Variants in ZBTB38 observed in about 807,000 individuals in gnomAD.
The protein encoded by ZBTB38 is zinc finger and BTB domain containing 38.
A neutral mutation model predicts 76.8 loss-of-function variants in ZBTB38; 20 were observed. That is an observed-to-expected ratio of 0.26 (90% CI 0.18 to 0.38). The LOEUF is 0.38. Among genes scored for constraint, ZBTB38 ranks in the 10% least tolerant of loss-of-function variants. ZBTB38 has a pLI of 1.00. For synonymous variants in ZBTB38, 504 were observed against 544.2 expected, an observed-to-expected ratio of 0.93 and a Z score of 1.03; for missense variants, 1,082 against 1,482.3, an observed-to-expected ratio of 0.73 and a Z score of 4.43.
At chr3:141,426,654 C>T (rs907926513) in intron 5 of ZBTB38, among the ~76,000 whole-genome samples, 2 of 152,210 alleles carry the variant, frequency 1.3e-5, no homozygotes, top group Non-Finnish European at 2.9e-5. Flanking sequence ...GCACCAAGGC[C>T]TCACACGACA....
chr3:141,444,393 T>G lies in ZBTB38; in HGVS notation c.2005T>G (p.Tyr669Asp), dbSNP rs1458030002. 1 of 1,614,098 alleles carries G rather than the reference T, an allele frequency of 6.2e-7. No individual in the cohort carries two copies. The highest frequency in any genetic ancestry group is 8.5e-7 in the Non-Finnish European group (1 of 1,180,038). The stretch of plus-strand genomic sequence containing the variant: ...GAAAATGGATCTTGACAATAACTTT[T>G]ATTCAACTGAGGTGTCAGTTTCTTC... ...ALKMDLDNNFYSTEVSVSSTE... is the reference protein window; with the variant it reads ...ALKMDLDNNFDSTEVSVSSTE... Residue 669 changes from tyrosine to aspartate, a missense_variant, in exon 6 of 6, where the codon TAT becomes GAT. Transcript: ENST00000321464. The surrounding 1 kb of genome is among the most constrained non-coding windows in gnomAD (Gnocchi z 5.1).
At chr3:141,362,573 C>A (rs1943853046) in intron 1 of ZBTB38, among the ~76,000 whole-genome samples, 1 of 152,176 alleles carries the variant, frequency 6.6e-6, no homozygotes, top group Non-Finnish European at 1.5e-5. Flanking sequence ...CCCTGATTTT[C>A]TTCTCTTCCT....
At chr3:141,370,306 T>G (rs1303874409) in intron 2 of ZBTB38, among the ~76,000 whole-genome samples, 1 of 152,118 alleles carries the variant, frequency 6.6e-6, no homozygotes, top group Non-Finnish European at 1.5e-5. Context: ...GAAAAGAGCA[T>G]GAAAAAGTGC....
intron 3 of ZBTB38, among the ~76,000 whole-genome samples, chr3:141,385,441 A>G (rs2149230741): frequency 6.6e-6 from 1 of 152,252 alleles, no homozygotes; most frequent in Non-Finnish European, 1.5e-5. Flanking sequence ...GGCAAATAAA[A>G]TGCTTTTTTG....
chr3:141,426,416 C>G (rs762245684), intron 5 of ZBTB38, among the ~76,000 whole-genome samples: 1 of 152,192 alleles, frequency 6.6e-6, no homozygotes, highest in Non-Finnish European at 1.5e-5. Context: ...CTATTCATTG[C>G]CTGATGGGGG....
chr3:141,382,039 C>G (rs1451092592), intron 3 of ZBTB38, among the ~76,000 whole-genome samples: 1 of 152,092 alleles, frequency 6.6e-6, no homozygotes, highest in Non-Finnish European at 1.5e-5. Context: ...GGAAAAAAAT[C>G]ATAATAGCTA....
chr3:141,326,679 G>A (rs1246979129), intron 1 of ZBTB38, among the ~76,000 whole-genome samples: 1 of 151,962 alleles, frequency 6.6e-6, no homozygotes. Flanking sequence ...ATCATGTTGT[G>A]TTTTTTTACA....
intron 4 of ZBTB38, among the ~76,000 whole-genome samples, chr3:141,397,989 A>T (rs768703126): frequency 6.6e-6 from 1 of 152,250 alleles, no homozygotes; most frequent in Non-Finnish European, 1.5e-5. Context: ...GTTGCCAGAA[A>T]CTTTCAACCT....
chr3:141,431,323 C>CA lies in ZBTB38; in HGVS notation c.1-11047dup, dbSNP rs71976494. On this transcript the variant is annotated intron_variant, in intron 5 of 5. Coordinates refer to ENST00000321464, the MANE Select transcript of ZBTB38 (RefSeq NM_001376113.1). ...GGGGGACAAGAGCGAGACTTCGTCT[C>CA]AAAAAAAAAAAAAAAAAAATATATA... 3.7e-3 allele frequency among the ~76,000 whole-genome samples: 374 copies of CA among 101,362 alleles called. 5 individuals are homozygous for CA. The highest frequency in any genetic ancestry group is 9.2e-3 in the East Asian group (20 of 2,172). 66.5% of individuals were successfully genotyped at this position (101,362 alleles called of 152,430 possible). A position where few individuals can be genotyped will look rare whatever the true frequency, so the allele number is the denominator to read the frequency against.
At chr3:141,337,985 G>C (rs1405848980) in intron 1 of ZBTB38, among the ~76,000 whole-genome samples, 1 of 152,076 alleles carries the variant, frequency 6.6e-6, no homozygotes, top group African/African-American at 2.4e-5. Context: ...ATGGTACCCA[G>C]CACTAAGAAT....
At chr3:141,357,762 C>T (rs1388002865) in intron 1 of ZBTB38, among the ~76,000 whole-genome samples, 2 of 152,210 alleles carry the variant, frequency 1.3e-5, no homozygotes, top group Non-Finnish European at 2.9e-5. Flanking sequence ...GCTGGGATTA[C>T]AGCATGAACC....
chr3:141,445,569 C>T lies in ZBTB38; in HGVS notation c.3181C>T (p.Leu1061=), dbSNP rs1408320976. 6.2e-7 allele frequency: 1 copy of T among 1,614,096 alleles called. No individual in the cohort carries two copies. The highest frequency in any genetic ancestry group is 1.3e-5 in the African/African-American group (1 of 74,922). Residue 1061 remains leucine (L), a synonymous_variant, in exon 6 of 6, where the codon CTG becomes TTG. Transcript: ENST00000321464. The surrounding 1 kb of genome is among the most constrained non-coding windows in gnomAD (Gnocchi z 6.5). The part of the protein sequence containing the change: ...GNLQKHERIH[L]GLKEFVCQYC... ...CTTACAGAAACATGAACGCATCCAC[C>T]TGGGCTTGAAGGAGTTCGTCTGTCA... is the stretch of plus-strand genomic sequence containing the variant.
At chr3:141,325,474 A>G (rs1942645199) in intron 1 of ZBTB38, among the ~76,000 whole-genome samples, 1 of 152,242 alleles carries the variant, frequency 6.6e-6, no homozygotes, top group Non-Finnish European at 1.5e-5. Flanking sequence ...CATAGTTTGT[A>G]CAGAGTCAGG....
chr3:141,364,468 G>A (rs1344145551), upstream of ZBTB38, among the ~76,000 whole-genome samples: 2 of 151,594 alleles, frequency 1.3e-5, no homozygotes, highest in African/African-American at 4.8e-5. Context: ...ACCTGAGGTC[G>A]GGAGTTCAAG....
At chr3:141,406,011 A>G (rs1954254457) in intron 5 of ZBTB38, among the ~76,000 whole-genome samples, 1 of 152,202 alleles carries the variant, frequency 6.6e-6, no homozygotes, top group African/African-American at 2.4e-5. Context: ...GAGGCATTTG[A>G]GATAGGAGGA....
intron 5 of ZBTB38, among the ~76,000 whole-genome samples, chr3:141,409,212 A>G (rs1161910630): frequency 6.6e-6 from 1 of 151,960 alleles, no homozygotes; most frequent in Non-Finnish European, 1.5e-5. Flanking sequence ...CGCCCAGCTA[A>G]TTTTTGTATT....
chr3:141,327,480 A>G (rs539740753), intron 1 of ZBTB38, among the ~76,000 whole-genome samples: 1 of 152,314 alleles, frequency 6.6e-6, no homozygotes, highest in African/African-American at 2.4e-5. Flanking sequence ...AAATTGAAGA[A>G]AATTCTATAA....
intron 5 of ZBTB38, among the ~76,000 whole-genome samples, chr3:141,422,953 C>T (rs1445859736): frequency 2.6e-5 from 4 of 152,004 alleles, no homozygotes; most frequent in African/African-American, 9.7e-5. Context: ...AACATATTCT[C>T]CCAAAGTCTT....
At position 141,445,371 on chromosome 3, in the gene ZBTB38, G is replaced by A; in HGVS notation, c.2983G>A (p.Ala995Thr). The change falls in exon 6 of 6, where the codon GCT (alanine) becomes ACT (threonine). Residue 995 changes from alanine (A) to threonine (T), a missense_variant. Physicochemically the swap from Ala to Thr is moderately conservative, Grantham distance 58. Coordinates refer to ENST00000321464, the MANE Select transcript of ZBTB38 (RefSeq NM_001376113.1). The surrounding 1 kb of genome is among the most constrained non-coding windows in gnomAD (Gnocchi z 6.5). ...ELCDGDKAVGAGNQGRPHRHL... is the reference protein window; with the variant it reads ...ELCDGDKAVGTGNQGRPHRHL... ...CTGTGATGGAGACAAAGCAGTGGGG[G>A]CTGGAAACCAAGGAAGGCCCCACCG... 6.2e-7 allele frequency: 1 copy of A among 1,614,098 alleles called. No homozygotes were observed. Among genetic ancestry groups the A allele is most frequent in the Non-Finnish European group, 8.5e-7 (1 of 1,180,010 alleles).
Sources: gnomAD v4.1 joint callset for allele counts (sites outside exome capture counted in the v4.1 genomes callset) on GRCh38, gnomAD v4.1.1 for gene constraint, Gnocchi (gnomAD v3.1) non-coding constraint, MANE v1.5 for transcripts, NCBI Gene and HGNC (gene_info 2026-07-23, HGNC 2026-07-21) for gene names.